DACH2: variants seen among roughly 807,000 people sequenced by gnomAD.
The protein encoded by DACH2 is dachshund family transcription factor 2.
Under a neutral mutation model 35.8 loss-of-function variants are expected in DACH2, and 17 were observed. That is an observed-to-expected ratio of 0.48 (90% CI 0.33 to 0.71). The LOEUF is 0.71. DACH2 is among the 30% of genes least tolerant of loss of function. The pLI, the probability that DACH2 is intolerant of heterozygous loss-of-function variation, is 0.02. For synonymous variants in DACH2, 195 were observed against 177.3 expected, an observed-to-expected ratio of 1.10 and a Z score of -0.79; for missense variants, 469 against 472.7, an observed-to-expected ratio of 0.99 and a Z score of 0.07.
intron 1 of DACH2, among the ~76,000 whole-genome samples, chrX:86,338,050 A>G (rs1235117475): frequency 1.8e-5 from 2 of 111,988 alleles, no homozygotes; most frequent in Non-Finnish European, 3.8e-5. Flanking sequence ...ATACGGGAGC[A>G]CTCAAATTCA....
At chrX:86,647,841 A>G (rs1015579042) in intron 3 of DACH2, among the ~76,000 whole-genome samples, 12 of 110,969 alleles carry the variant, frequency 1.1e-4, no homozygotes, top group African/African-American at 3.9e-4. Context: ...TATCTGAATC[A>G]TACCTCAGTA....
At chrX:86,203,253 A>C (rs1401146131) in intron 1 of DACH2, among the ~76,000 whole-genome samples, 1 of 111,593 alleles carries the variant, frequency 9.0e-6, no homozygotes, top group Non-Finnish European at 1.9e-5. Flanking sequence ...ATACAGATTT[A>C]TAGTAACTTT....
chrX:86,492,789 C>CT (rs1483861773), intron 2 of DACH2, among the ~76,000 whole-genome samples: 1 of 111,803 alleles, frequency 8.9e-6, no homozygotes, highest in Non-Finnish European at 1.9e-5. Flanking sequence ...TTATTTCTTT[C>CT]TTTTTTATGG....
intron 1 of DACH2, among the ~76,000 whole-genome samples, chrX:86,315,373 C>T (rs977518067): frequency 8.9e-6 from 1 of 111,974 alleles, no homozygotes; most frequent in African/African-American, 3.2e-5. Flanking sequence ...ACCCAAGAGC[C>T]GTGATGGAGA....
chrX:86,649,359 G>C (rs2040452157), intron 3 of DACH2, among the ~76,000 whole-genome samples: 1 of 110,784 alleles, frequency 9.0e-6, no homozygotes, highest in African/African-American at 3.3e-5. Flanking sequence ...ATTCAGTTCT[G>C]AGGAGCCAAT....
chrX:86,321,745 G>T (rs1490978290), intron 1 of DACH2, among the ~76,000 whole-genome samples: 2 of 112,039 alleles, frequency 1.8e-5, no homozygotes, highest in African/African-American at 3.2e-5. Context: ...GTGAGGGTTT[G>T]GCCTAGAAGC....
intron 2 of DACH2, among the ~76,000 whole-genome samples, chrX:86,468,559 T>A (rs1290971722): frequency 9.0e-6 from 1 of 111,728 alleles, no homozygotes; most frequent in East Asian, 2.8e-4. Flanking sequence ...TTCCAATTTC[T>A]CCTTGAGTTT....
intron 7 of DACH2, chrX:86,799,000 G>T: frequency 4.3e-6 from 1 of 233,940 alleles, no homozygotes; most frequent in Non-Finnish European, 7.9e-6. Flanking sequence ...TTTTCCTACT[G>T]AGCAAATTCT....
At chrX:86,713,768 T>C (rs1391849249) in intron 5 of DACH2, among the ~76,000 whole-genome samples, 1 of 111,824 alleles carries the variant, frequency 8.9e-6, no homozygotes, top group Non-Finnish European at 1.9e-5. Context: ...ACGATTTTAA[T>C]GTTACCTTTT....
chrX:86,318,893 C>G (rs913371015), intron 1 of DACH2, among the ~76,000 whole-genome samples: 14 of 111,608 alleles, frequency 1.3e-4, no homozygotes, highest in African/African-American at 4.6e-4. Context: ...AACGATGAGT[C>G]AAAAATTTGA....
intron 6 of DACH2, among the ~76,000 whole-genome samples, chrX:86,735,693 G>T (rs1047885847): frequency 9.0e-6 from 1 of 111,424 alleles, no homozygotes; most frequent in Non-Finnish European, 1.9e-5. Flanking sequence ...TGCTACTTTG[G>T]ATTTGGAGAA....
At chrX:86,661,712 T>G (rs2040607032) in intron 4 of DACH2, among the ~76,000 whole-genome samples, 1 of 112,301 alleles carries the variant, frequency 8.9e-6, no homozygotes, top group Non-Finnish European at 1.9e-5. Context: ...GGAGTAGAAT[T>G]GCTGGGTAAA....
chrX:86,678,464 T>TC (rs1384231528), intron 4 of DACH2, among the ~76,000 whole-genome samples: 2 of 112,393 alleles, frequency 1.8e-5, no homozygotes, highest in Non-Finnish European at 3.8e-5. Flanking sequence ...TTACAATTAC[T>TC]ACAGTTTTCA....
chrX:86,264,684 A>G (rs768172321), intron 1 of DACH2, among the ~76,000 whole-genome samples: 3 of 111,440 alleles, frequency 2.7e-5, no homozygotes, highest in Non-Finnish European at 5.7e-5. Context: ...TACTTACTAC[A>G]TGTGTCTGTT....
At position 86,832,508 on chromosome X, in the gene DACH2, T is replaced by G. The variant is rs984081730; in HGVS notation, c.*353T>G. ...AGAGACTAGAAAGTTATATGTATGG[T>G]TTCCCTGTTCTACTATACATAACGT... is the stretch of plus-strand genomic sequence containing the variant. On this transcript the variant is annotated 3_prime_UTR_variant, in exon 12 of 12. Coordinates refer to ENST00000373125, the MANE Select transcript of DACH2 (RefSeq NM_053281.3). 2 of 162,427 alleles carry G rather than the reference T, an allele frequency of 1.2e-5. No individual in the cohort carries two copies. Among genetic ancestry groups the G allele is most frequent in the Non-Finnish European group, 2.3e-5 (2 of 87,960 alleles). The allele number at this position is 162,427 out of a possible 1,213,427, so 13.4% of individuals were successfully genotyped here. A position where few individuals can be genotyped will look rare whatever the true frequency, so the allele number is the denominator to read the frequency against.
intron 2 of DACH2, among the ~76,000 whole-genome samples, chrX:86,377,250 G>T (rs1192263295): frequency 9.0e-6 from 1 of 111,136 alleles, no homozygotes; most frequent in Non-Finnish European, 1.9e-5. Flanking sequence ...ATTCACTTTT[G>T]CAGGGCAGCA....
chrX:86,400,794 G>A (rs2036411884), intron 2 of DACH2, among the ~76,000 whole-genome samples: 1 of 111,920 alleles, frequency 8.9e-6, no homozygotes, highest in Non-Finnish European at 1.9e-5. Context: ...CCCCTACTGG[G>A]GGGTGCCTCC....
At chrX:86,654,395 T>C (rs2148409339) in intron 4 of DACH2, among the ~76,000 whole-genome samples, 1 of 109,922 alleles carries the variant, frequency 9.1e-6, no homozygotes, top group African/African-American at 3.3e-5. Context: ...AGAGGAAAAT[T>C]ATTGAATGAA....
intron 3 of DACH2, among the ~76,000 whole-genome samples, chrX:86,541,524 TC>T (rs1303615790): frequency 9.0e-6 from 1 of 111,606 alleles, no homozygotes; most frequent in Non-Finnish European, 1.9e-5. Flanking sequence ...AAATCATTTT[TC>T]TTTATGAAAA....
Sources: gnomAD v4.1 joint callset for allele counts (sites outside exome capture counted in the v4.1 genomes callset) on GRCh38, gnomAD v4.1.1 for gene constraint, MANE v1.5 for transcripts, NCBI Gene and HGNC (gene_info 2026-07-23, HGNC 2026-07-21) for gene names.